UBR4: variants seen among roughly 807,000 people sequenced by gnomAD.
The protein encoded by UBR4 is E3 ubiquitin-protein ligase UBR4.
In UBR4, 124 loss-of-function variants were observed where a neutral mutation model predicts 575.6. The observed-to-expected ratio is 0.22, with a 90% CI of 0.19 to 0.25. The LOEUF is 0.25. Ranked by LOEUF, UBR4 falls within the 10% of genes least tolerant of loss-of-function variation. The probability of loss-of-function intolerance (pLI) is 1.00; values close to 1 mark genes in which losing one functional copy is unlikely to be tolerated. For missense variants in UBR4, 4,818 were observed against 6,478.8 expected, an observed-to-expected ratio of 0.74 and a Z score of 8.80; for synonymous variants, 2,455 against 2,473.7, an observed-to-expected ratio of 0.99 and a Z score of 0.22.
At chr1:19,202,677 T>C (rs2151737087) in intron 1 of UBR4, among the ~76,000 whole-genome samples, 1 of 152,172 alleles carries the variant, frequency 6.6e-6, no homozygotes, top group Admixed American at 6.5e-5. Context: ...TATCCTTAGC[T>C]GGGGAAATGC....
chr1:19,177,816 A>T, intron 18 of UBR4, 73 bp from the exon 19 acceptor site: 1 of 1,491,518 alleles, frequency 6.7e-7, no homozygotes, highest in Non-Finnish European at 9.0e-7. Flanking sequence ...GTCAAGCACT[A>T]GAAGAGTTAA....
At position 19,153,340 on chromosome 1, in the gene UBR4, T is replaced by C; in HGVS notation, c.6793A>G (p.Ile2265Val). 1 of 1,614,212 alleles carries C rather than the reference T, an allele frequency of 6.2e-7. No individual in the cohort carries two copies. Among genetic ancestry groups the C allele is most frequent in the South Asian group, 1.1e-5 (1 of 91,088 alleles). Residue 2265 changes from isoleucine to valine, a missense_variant, in exon 46 of 106, where the codon ATC becomes GTC. Physicochemically the swap from Ile to Val is conservative, Grantham distance 29 (BLOSUM62 3). Around this residue, in one of 29 missense-constraint regions of UBR4, gnomAD observed 461 missense variants for 606.9 expected, o/e 0.76. Coordinates refer to ENST00000375254, the MANE Select transcript of UBR4 (RefSeq NM_020765.3). The surrounding 1 kb of genome is among the most constrained non-coding windows in gnomAD (Gnocchi z 4.1). Reference sequence around the variant, plus strand: ...TTGCGCTTTCGAACAGGCTTCATGATGCTGATGACACTGCTGGGCTGCAGG... The same window carrying C: ...TTGCGCTTTCGAACAGGCTTCATGACGCTGATGACACTGCTGGGCTGCAGG... ...PSLQPSSVIS[I>V]MKPVRKRKTA... is the part of the protein sequence containing the mutation.
intron 78 of UBR4, chr1:19,112,197 G>A (rs910996945): frequency 6.8e-6 from 2 of 293,734 alleles, no homozygotes; most frequent in Admixed American, 4.9e-5. Context: ...AGGCCCCACT[G>A]CTCTGCTTCT....
intron 11 of UBR4, 93 bp downstream of exon 11, chr1:19,192,095 T>G: frequency 1.4e-6 from 2 of 1,447,022 alleles, no homozygotes; most frequent in East Asian, 2.3e-5. Context: ...AAGGCAAATT[T>G]TCCTATTGAT....
chr1:19,124,466 A>G (rs771900460), intron 65 of UBR4, 75 bp downstream of exon 65: 54 of 1,565,818 alleles, frequency 3.4e-5, no homozygotes, highest in Non-Finnish European at 3.5e-5. Flanking sequence ...AAGGATGAGG[A>G]AGAAAGGGGC....
At chr1:19,149,265 T>C (rs1330198017) in intron 49 of UBR4, among the ~76,000 whole-genome samples, 2 of 152,118 alleles carry the variant, frequency 1.3e-5, no homozygotes, top group Non-Finnish European at 2.9e-5. Context: ...TTCAATTTAA[T>C]GTGGCATAGT....
rs188716166 is a variant in UBR4, at chr1:19,134,835, A to G, written c.8906+3172T>C. Among the ~76,000 whole-genome samples, 601 of 152,256 alleles carry G rather than the reference A, an allele frequency of 3.9e-3. 4 individuals carry two copies. The highest frequency in any genetic ancestry group is 0.013 in the African/African-American group (535 of 41,552). ...GACTTCCCTTCACACTCTTCCCTGC[A>G]CCTGCACCCCCGACCCCACTCTAGC... On this transcript the variant is annotated intron_variant, in intron 60 of 105. Transcript: ENST00000375254.
intron 20 of UBR4, among the ~76,000 whole-genome samples, chr1:19,175,707 A>T (rs991832666): frequency 6.6e-6 from 1 of 152,256 alleles, no homozygotes; most frequent in Non-Finnish European, 1.5e-5. Context: ...AAGGAAAATT[A>T]ATGACACAGA....
At position 19,088,822 on chromosome 1, in the gene UBR4, C is replaced by A; in HGVS notation, c.14367G>T (p.Arg4789=). The A allele has an allele frequency of 6.2e-7, 1 of 1,614,068 alleles. No homozygotes were observed. Among genetic ancestry groups the A allele is most frequent in the Non-Finnish European group, 8.5e-7 (1 of 1,179,986 alleles). ...CCATGGCCATGCGCTTCTTCTCTGCCCGGGTCTCCCTGCGGGCTGCGTCAA... is the reference window on the plus strand; with the variant it reads ...CCATGGCCATGCGCTTCTTCTCTGCACGGGTCTCCCTGCGGGCTGCGTCAA... ...KKIDAARRET[R]AEKKRMAMAM... is the part of the protein sequence containing the mutation. Residue 4789 remains arginine, a synonymous_variant, in exon 98 of 106, where the codon CGG becomes CGT. Transcript: ENST00000375254. This position sits in a 1 kb window ranked among gnomAD's most constrained non-coding sequence, Gnocchi z 4.0.
At chr1:19,113,872 A>C (rs372950252) in intron 76 of UBR4, 45 bp from the exon 77 acceptor site, 23 of 1,613,944 alleles carry the variant, frequency 1.4e-5, no homozygotes, top group Middle Eastern at 3.3e-4. Context: ...ACCTAAGGTG[A>C]TCTCACCTAG....
At chr1:19,095,983 A>G in intron 92 of UBR4, 1 of 262,200 alleles carries the variant, frequency 3.8e-6, no homozygotes, top group South Asian at 5.3e-5. Context: ...TAGTAAAGAA[A>G]ATGATCCCAA....
intron 85 of UBR4, 55 bp from the exon 86 acceptor site, chr1:19,104,721 A>G (rs1570517782): frequency 1.3e-6 from 2 of 1,550,812 alleles, no homozygotes; most frequent in Admixed American, 1.7e-5. Context: ...GATACCAGTT[A>G]CCTCCACCAC....
chr1:19,180,267 C>A (rs2090771755), intron 17 of UBR4, among the ~76,000 whole-genome samples: 1 of 152,108 alleles, frequency 6.6e-6, no homozygotes, highest in Non-Finnish European at 1.5e-5. Flanking sequence ...CAGCTCACTG[C>A]AACCTCCACC....
chr1:19,105,993 A>C, intron 83 of UBR4, 151 bp from the exon 84 acceptor site: 1 of 527,060 alleles, frequency 1.9e-6, no homozygotes. Flanking sequence ...ACCAGCTAAC[A>C]CAAGACTCTA....
rs770412559 is a variant in UBR4, at chr1:19,128,290, T to A, written c.9032A>T (p.Asp3011Val). ...QVILMLTTDL[D>V]GEDEKDKGAL... ...CCCCTTGTCTTTCTCATCTTCTCCATCCAGATCTGTAGTGAGCATTAGAAT... is the reference window on the plus strand; with the variant it reads ...CCCCTTGTCTTTCTCATCTTCTCCAACCAGATCTGTAGTGAGCATTAGAAT... The change falls in exon 62 of 106, where the codon GAT (aspartate) becomes GTT (valine). Residue 3011 changes from aspartate to valine, a missense_variant. By Grantham distance (152) the Asp-to-Val change is radical. Coordinates refer to ENST00000375254, the MANE Select transcript of UBR4 (RefSeq NM_020765.3). 3 of 1,613,982 alleles carry A rather than the reference T, an allele frequency of 1.9e-6. No homozygotes were observed. Among genetic ancestry groups the A allele is most frequent in the Non-Finnish European group, 1.7e-6 (2 of 1,179,916 alleles).
At chr1:19,167,414 T>C (rs1571359986) in intron 28 of UBR4, among the ~76,000 whole-genome samples, 183 bp from the exon 29 acceptor site, 1 of 152,390 alleles carries the variant, frequency 6.6e-6, no homozygotes, top group East Asian at 1.9e-4. Context: ...CAATTTCATA[T>C]TCTTCTTTTT....
Position 19,129,030 on chromosome 1 carries a change from G to C in UBR4, c.8951C>G (p.Thr2984Ser). The C allele has an allele frequency of 6.2e-7, 1 of 1,614,048 alleles. No homozygotes were observed. The highest frequency in any genetic ancestry group is 1.7e-5 in the Admixed American group (1 of 60,008). The part of the protein sequence containing the change: ...RLMLLERLLQ[T>S]LPQLRNVGGV... ...GCCAACGTTTCGTAATTGAGGCAGG[G>C]TCTGCAGTAATCTCTCCAACAGCAT... Residue 2984 changes from threonine to serine, a missense_variant, in exon 61 of 106, where the codon ACC becomes AGC. Coordinates refer to ENST00000375254, the MANE Select transcript of UBR4 (RefSeq NM_020765.3).
intron 102 of UBR4, among the ~76,000 whole-genome samples, chr1:19,084,163 G>C (rs1381048234): frequency 1.3e-5 from 2 of 152,340 alleles, no homozygotes; most frequent in Admixed American, 6.5e-5. Flanking sequence ...GAACAGTCTG[G>C]AAAGTAGAAG....
intron 94 of UBR4, 151 bp downstream of exon 94, chr1:19,094,755 T>C (rs989965718): frequency 2.5e-5 from 26 of 1,053,480 alleles, no homozygotes; most frequent in Admixed American, 1.6e-4. Context: ...GATACAATTA[T>C]GTCATCATTA....
Sources: gnomAD v4.1 joint callset for allele counts (sites outside exome capture counted in the v4.1 genomes callset) on GRCh38, gnomAD v4.1.1 for gene constraint, gnomAD v4.1.1 regional missense constraint, Gnocchi (gnomAD v3.1) non-coding constraint, MANE v1.5 for transcripts, NCBI Gene and HGNC (gene_info 2026-07-23, HGNC 2026-07-21) for gene names.